The following PRKCE variants were observed in gnomAD, a reference collection of about 807,000 sequenced individuals.
PRKCE encodes protein kinase C epsilon type.
Under a neutral mutation model 85.4 loss-of-function variants are expected in PRKCE, and 16 were observed. That is an observed-to-expected ratio of 0.19 (90% CI 0.13 to 0.28). PRKCE has a LOEUF of 0.28. Among genes scored for constraint, PRKCE ranks in the 10% least tolerant of loss-of-function variants. The probability of loss-of-function intolerance (pLI) is 1.00; values close to 1 mark genes in which losing one functional copy is unlikely to be tolerated. For missense variants in PRKCE, 573 were observed against 975.2 expected (o/e 0.59, Z 5.49); for synonymous variants, 388 against 371.5 (o/e 1.04, Z -0.51).
At chr2:45,738,826 G>A (rs190636515) in intron 1 of PRKCE, among the ~76,000 whole-genome samples, 26 of 152,348 alleles carry the variant, frequency 1.7e-4, no homozygotes, top group African/African-American at 5.3e-4. Context: ...GACTGAAATA[G>A]ATGAATTTTA....
rs1322322782 is a variant in PRKCE at position 45,903,888 on chromosome 2, TTTGTTTG to T, written c.412+60828_412+60834del. Among the ~76,000 whole-genome samples, 3 of 65,072 alleles carry T rather than the reference TTTGTTTG, an allele frequency of 4.6e-5. No homozygotes were observed. The Admixed American group carries it at 5.1e-4, about 11-fold the overall frequency. 42.7% of individuals were successfully genotyped at this position (65,072 alleles called of 152,430 possible). ...AGAGCTTGTAGCCTGGCAGTTTTTT[TTTGTTTG>T]TTTGTTTGTTTGTTTGTTTGTTTTT... On this transcript the variant is annotated intron_variant, in intron 2 of 14. Transcript: ENST00000306156.
chr2:46,035,754 C>T (rs1707820506), intron 10 of PRKCE, among the ~76,000 whole-genome samples: 1 of 152,192 alleles, frequency 6.6e-6, no homozygotes, highest in South Asian at 2.1e-4. Flanking sequence ...CATAGCCTAA[C>T]ACCATGGAGG....
At chr2:45,762,956 C>T (rs1474825813) in intron 1 of PRKCE, among the ~76,000 whole-genome samples, 1 of 135,398 alleles carries the variant, frequency 7.4e-6, no homozygotes, top group African/African-American at 2.9e-5. Context: ...TTCTTTTCTT[C>T]TTTTTTTTTT....
intron 1 of PRKCE, among the ~76,000 whole-genome samples, chr2:45,663,111 T>C (rs761200876): frequency 1.3e-5 from 2 of 152,206 alleles, no homozygotes; most frequent in Non-Finnish European, 2.9e-5. Flanking sequence ...CAGAGTCAAA[T>C]GCACATTAGT....
At chr2:46,015,712 A>C (rs1706077187) in intron 10 of PRKCE, among the ~76,000 whole-genome samples, 1 of 151,114 alleles carries the variant, frequency 6.6e-6, no homozygotes, top group Non-Finnish European at 1.5e-5. Context: ...AAAAAAAAAA[A>C]ACGAAGTAAA....
At chr2:45,930,759 C>G (rs980848480) in intron 2 of PRKCE, among the ~76,000 whole-genome samples, 1 of 152,176 alleles carries the variant, frequency 6.6e-6, no homozygotes, top group Admixed American at 6.5e-5. Flanking sequence ...TTCCAGGTGT[C>G]AGATCAGGAA....
intron 1 of PRKCE, among the ~76,000 whole-genome samples, chr2:45,764,215 G>C (rs1018502798): frequency 1.3e-5 from 2 of 152,146 alleles, no homozygotes; most frequent in Non-Finnish European, 2.9e-5. Context: ...GTTTCTTAAA[G>C]CAAAGCCCAC....
chr2:45,865,005 A>G (rs1282700712), intron 2 of PRKCE, among the ~76,000 whole-genome samples: 10 of 152,058 alleles, frequency 6.6e-5, no homozygotes, highest in Non-Finnish European at 1.5e-4. Flanking sequence ...GTAACCTGAG[A>G]CCTCTGGTCG....
intron 1 of PRKCE, among the ~76,000 whole-genome samples, chr2:45,780,980 C>T (rs997014780): frequency 3.3e-5 from 5 of 152,110 alleles, no homozygotes; most frequent in African/African-American, 4.8e-5. Flanking sequence ...TGCCAGGGCT[C>T]GTGAAATGCT....
chr2:45,926,698 C>T (rs540029055), intron 2 of PRKCE, among the ~76,000 whole-genome samples: 99 of 152,320 alleles, frequency 6.5e-4, no homozygotes, highest in African/African-American at 2.3e-3. Flanking sequence ...CATTTTGTGA[C>T]ATGGACAGCC....
intron 11 of PRKCE, among the ~76,000 whole-genome samples, chr2:46,118,396 C>A (rs1303841804): frequency 1.3e-5 from 2 of 152,162 alleles, no homozygotes. Context: ...GAGGTTTTCA[C>A]AGCTTTTCCA....
At chr2:45,972,217 G>GCA (rs1702156622) in intron 2 of PRKCE, among the ~76,000 whole-genome samples, 1 of 151,594 alleles carries the variant, frequency 6.6e-6, no homozygotes, top group Non-Finnish European at 1.5e-5. Flanking sequence ...GATTAGTGAT[G>GCA]TAGAACATCT....
At chr2:45,766,284 C>A (rs779918934) in intron 1 of PRKCE, among the ~76,000 whole-genome samples, 1 of 152,220 alleles carries the variant, frequency 6.6e-6, no homozygotes, top group Non-Finnish European at 1.5e-5. Flanking sequence ...ATCTGAAGGA[C>A]TTGAACAAAT....
intron 6 of PRKCE, among the ~76,000 whole-genome samples, chr2:45,987,365 G>A (rs1703413890): frequency 6.6e-6 from 1 of 152,192 alleles, no homozygotes; most frequent in South Asian, 2.1e-4. Context: ...AAGCTCCCCA[G>A]CCAAAGTGTG....
intron 2 of PRKCE, among the ~76,000 whole-genome samples, chr2:45,851,411 T>G (rs1251197691): frequency 6.6e-6 from 1 of 152,158 alleles, no homozygotes; most frequent in East Asian, 1.9e-4. Flanking sequence ...CCTGCCCTCA[T>G]GGGGCTTACA....
At position 46,184,808 on chromosome 2, in the gene PRKCE, A is replaced by C. The variant is rs755515582; in HGVS notation, c.2141A>C (p.Glu714Ala). ...REEPVLTLVDEAIVKQINQEE... is the reference protein window; with the variant it reads ...REEPVLTLVDAAIVKQINQEE... ...GAGCCGGTACTCACCCTTGTGGACG[A>C]AGCAATTGTAAAGCAGATCAACCAG... The change falls in exon 15 of 15, where the codon GAA (glutamate) becomes GCA (alanine). Residue 714 changes from glutamate (E) to alanine (A), a missense_variant. Glu to Ala is a moderately radical substitution (Grantham distance 107). Coordinates refer to ENST00000306156, the MANE Select transcript of PRKCE (RefSeq NM_005400.3). The surrounding 1 kb of genome is among the most constrained non-coding windows in gnomAD (Gnocchi z 5.0). 6.3e-7 allele frequency: 1 copy of C among 1,599,808 alleles called. No individual in the cohort carries two copies. The highest frequency in any genetic ancestry group is 8.5e-7 in the Non-Finnish European group (1 of 1,179,966).
intron 2 of PRKCE, among the ~76,000 whole-genome samples, chr2:45,942,992 G>A (rs1301713888): frequency 6.6e-6 from 1 of 152,186 alleles, no homozygotes. Flanking sequence ...ATATACTTTA[G>A]AAGTGTTGCA....
At chr2:45,987,020 G>A (rs1329841073) in intron 6 of PRKCE, among the ~76,000 whole-genome samples, 2 of 135,954 alleles carry the variant, frequency 1.5e-5, no homozygotes, top group African/African-American at 5.7e-5. Flanking sequence ...ACCCTGATGA[G>A]CTGATGTCTG....
intron 1 of PRKCE, among the ~76,000 whole-genome samples, chr2:45,698,171 A>T (rs1410497503): frequency 6.6e-6 from 1 of 152,198 alleles, no homozygotes; most frequent in Non-Finnish European, 1.5e-5. Flanking sequence ...TTTTGTGGGC[A>T]AGTTCTGGAA....
Sources: allele counts gnomAD v4.1 joint callset (sites outside exome capture counted in the v4.1 genomes callset), GRCh38; gene constraint gnomAD v4.1.1; non-coding constraint Gnocchi (gnomAD v3.1); transcripts MANE v1.5; gene names NCBI Gene and HGNC (gene_info 2026-07-23, HGNC 2026-07-21).